SGMS1: variants seen among roughly 807,000 people sequenced by gnomAD.
SGMS1 encodes sphingomyelin synthase 1.
Under a neutral mutation model 46.2 loss-of-function variants are expected in SGMS1, and 13 were observed. The ratio of observed to expected loss-of-function variants is 0.28; its 90% CI spans 0.18 to 0.45. The LOEUF (loss-of-function observed/expected upper bound fraction) is 0.45, where lower values mean the gene tolerates loss of function less well. SGMS1 is among the 20% of genes least tolerant of loss of function. The pLI is 1.00. For missense variants in SGMS1, 324 were observed against 519.9 expected, an observed-to-expected ratio of 0.62 and a Z score of 3.66; for synonymous variants, 203 against 187.8, an observed-to-expected ratio of 1.08 and a Z score of -0.66.
In SGMS1 at chr10:50,446,518, A is replaced by C. The variant is rs867817043; in HGVS notation, c.-312-12962T>G. ...GTAGTTATATTCATAACAGCCAAAA[A>C]CTGTAGACCATCCAAATGTCTATCA... On this transcript the variant is annotated intron_variant, in intron 5 of 10. Coordinates refer to ENST00000361781, the MANE Select transcript of SGMS1 (RefSeq NM_147156.4). 9.8e-5 allele frequency among the ~76,000 whole-genome samples: 15 copies of C among 152,332 alleles called. No homozygotes were observed. In the Middle Eastern group the frequency reaches 0.01, roughly 104 times the overall value.
In SGMS1 at chr10:50,341,244, GT is replaced by G. The variant is rs1847816632; in HGVS notation, c.623+2247del. The stretch of plus-strand genomic sequence containing the variant: ...TCTCTATGAGAGCCAGGAAAAGGTA[GT>G]TTATCCATCTTCACTGCTTGATGTG... On this transcript the variant is annotated intron_variant, in intron 7 of 10. Transcript: ENST00000361781. The G allele has an allele frequency of 2.0e-5, 9 of 441,068 alleles. No individual in the cohort carries two copies. The Admixed American group carries it at 2.2e-4, about 11-fold the overall frequency. 27.3% of individuals were successfully genotyped at this position (441,068 alleles called of 1,614,324 possible).
At chr10:50,409,702 G>A (rs1849070423) in intron 6 of SGMS1, among the ~76,000 whole-genome samples, 8 of 152,006 alleles carry the variant, frequency 5.3e-5, no homozygotes, top group Admixed American at 5.2e-4. Context: ...ATAACTTCAG[G>A]AAACTCTTTC....
chr10:50,332,764 AG>A (rs1379282319), intron 7 of SGMS1, among the ~76,000 whole-genome samples: 27 of 151,934 alleles, frequency 1.8e-4, no homozygotes, highest in African/African-American at 6.3e-4. Context: ...CTGGGATCAC[AG>A]GTGCAGGCCA....
At chr10:50,499,923 C>A (rs933462774) in intron 3 of SGMS1, among the ~76,000 whole-genome samples, 12 of 152,234 alleles carry the variant, frequency 7.9e-5, no homozygotes, top group African/African-American at 2.9e-4. Context: ...AATCCCAACA[C>A]TTTGGGAGGC....
chr10:50,354,294 A>C (rs1188912645), intron 6 of SGMS1, among the ~76,000 whole-genome samples: 1 of 152,224 alleles, frequency 6.6e-6, no homozygotes, highest in African/African-American at 2.4e-5. Context: ...CCGCATATCC[A>C]CAACTATCTG....
chr10:50,310,219 C>T (rs1480516295), intron 9 of SGMS1, among the ~76,000 whole-genome samples: 1 of 152,130 alleles, frequency 6.6e-6, no homozygotes, highest in Admixed American at 6.5e-5. Flanking sequence ...ACCACATGCT[C>T]CCAAGACACC....
chr10:50,436,389 T>C (rs1053118511), intron 5 of SGMS1, among the ~76,000 whole-genome samples: 2 of 152,134 alleles, frequency 1.3e-5, no homozygotes, highest in African/African-American at 2.4e-5. Context: ...ACCAACTTTT[T>C]TGAACCACCC....
Position 50,356,223 on chromosome 10 carries a change from C to A in SGMS1, c.-231-11878G>T, listed in dbSNP as rs913986381. Among the ~76,000 whole-genome samples, 36 of 152,388 alleles carry A rather than the reference C, an allele frequency of 2.4e-4. 1 individual carries two copies. Among genetic ancestry groups the A allele is most frequent in the Middle Eastern group, 6.8e-3 (2 of 294 alleles). On this transcript the variant is annotated intron_variant, in intron 6 of 10. Transcript: ENST00000361781. ...TTGTTCTCTACTAAGAAAAATTCTT[C>A]TGCCTTGGGATGCTGTTAATCTATA...
intron 5 of SGMS1, among the ~76,000 whole-genome samples, chr10:50,451,919 T>G (rs1837114980): frequency 6.6e-6 from 1 of 152,180 alleles, no homozygotes. Context: ...TATTTGCCCT[T>G]ACAAATAATA....
chr10:50,516,606 A>G (rs1018911518), intron 3 of SGMS1, among the ~76,000 whole-genome samples: 1 of 152,208 alleles, frequency 6.6e-6, no homozygotes, highest in African/African-American at 2.4e-5. Context: ...CAAAAGTGTA[A>G]GGATATAGTA....
chr10:50,390,372 G>A (rs1338765493), intron 6 of SGMS1, among the ~76,000 whole-genome samples: 1 of 152,196 alleles, frequency 6.6e-6, no homozygotes, highest in Non-Finnish European at 1.5e-5. Flanking sequence ...ACTGAATAAA[G>A]CTGAACTTTG....
chr10:50,561,646 G>A (rs1174134297), intron 2 of SGMS1, among the ~76,000 whole-genome samples: 1 of 152,192 alleles, frequency 6.6e-6, no homozygotes, highest in Non-Finnish European at 1.5e-5. Flanking sequence ...TTAATGAAAG[G>A]TCAACTTAAA....
intron 2 of SGMS1, among the ~76,000 whole-genome samples, chr10:50,553,532 A>T (rs922905260): frequency 6.6e-6 from 1 of 152,074 alleles, no homozygotes; most frequent in Non-Finnish European, 1.5e-5. Flanking sequence ...CCCAAGCTAC[A>T]TCTCATCATA....
At chr10:50,381,662 C>A (rs1848607952) in intron 6 of SGMS1, among the ~76,000 whole-genome samples, 1 of 152,068 alleles carries the variant, frequency 6.6e-6, no homozygotes, top group African/African-American at 2.4e-5. Context: ...GTGTATTTTG[C>A]CAGATTTTAA....
rs549390725 is a variant in SGMS1 at position 50,385,028 on chromosome 10, C to A, written c.-231-40683G>T. 5.9e-5 allele frequency among the ~76,000 whole-genome samples: 9 copies of A among 152,282 alleles called. No homozygotes were observed. The South Asian group carries it at 1.7e-3, about 28-fold the overall frequency. ...AATACGTGGCAGTTCCTCAATCTTT[C>A]TTCACCTTTCATGACCCTGACAGTT... is the stretch of plus-strand genomic sequence containing the variant. On this transcript the variant is annotated intron_variant, in intron 6 of 10. Transcript: ENST00000361781.
chr10:50,353,500 C>A (rs1848063766), intron 6 of SGMS1, among the ~76,000 whole-genome samples: 1 of 152,242 alleles, frequency 6.6e-6, no homozygotes, highest in Non-Finnish European at 1.5e-5. Flanking sequence ...TGGGCAAAAA[C>A]TGGAAGCATT....
chr10:50,362,301 AT>A (rs1345493678), intron 6 of SGMS1, among the ~76,000 whole-genome samples: 3 of 151,886 alleles, frequency 2.0e-5, no homozygotes, highest in Admixed American at 6.5e-5. Flanking sequence ...AGTAGAAAAG[AT>A]ACAAGTTAAC....
chr10:50,518,429 T>A (rs1465944492), intron 3 of SGMS1, among the ~76,000 whole-genome samples: 11 of 152,166 alleles, frequency 7.2e-5, no homozygotes, highest in Admixed American at 5.9e-4. Flanking sequence ...TTAGTTTGTT[T>A]GTTTGTTTGT....
At chr10:50,502,267 A>C (rs950549230) in intron 3 of SGMS1, among the ~76,000 whole-genome samples, 2 of 145,250 alleles carry the variant, frequency 1.4e-5, no homozygotes, top group Non-Finnish European at 1.5e-5. Context: ...TTCCACCTCC[A>C]GCCTCTCCCC....
Sources: gnomAD v4.1 joint callset for allele counts (sites outside exome capture counted in the v4.1 genomes callset) on GRCh38, gnomAD v4.1.1 for gene constraint, MANE v1.5 for transcripts, NCBI Gene and HGNC (gene_info 2026-07-23, HGNC 2026-07-21) for gene names.